The following HSF2BP variants were observed in gnomAD, a reference collection of about 807,000 sequenced individuals.
HSF2BP encodes the protein heat shock transcription factor 2 binding protein.
A neutral mutation model predicts 35.0 loss-of-function variants in HSF2BP; 35 were observed. The ratio of observed to expected loss-of-function variants is 1.00; its 90% CI spans 0.76 to 1.32. HSF2BP has a LOEUF of 1.32. HSF2BP is among the 40% of genes most tolerant of loss of function. HSF2BP has a pLI of 0.00. For missense variants in HSF2BP, 326 were observed against 321.7 expected (o/e 1.01, Z -0.10); for synonymous variants, 114 against 117.4 (o/e 0.97, Z 0.18).
At chr21:43,616,802 G>A (rs891556727) in intron 6 of HSF2BP, among the ~76,000 whole-genome samples, 2 of 152,042 alleles carry the variant, frequency 1.3e-5, no homozygotes, top group African/African-American at 2.4e-5. Context: ...GCGGTGGCAG[G>A]TGCCTGTAGT....
the HSF2BP span, among the ~76,000 whole-genome samples, chr21:43,458,022 C>T: frequency 3.0e-5 from 2 of 66,978 alleles, no homozygotes; most frequent in African/African-American, 5.5e-5. Context: ...CACACTCGCG[C>T]GTCCTCAGCC....
intron 7 of HSF2BP, among the ~76,000 whole-genome samples, chr21:43,601,999 G>A (rs1042256328): frequency 1.3e-5 from 2 of 152,050 alleles, no homozygotes; most frequent in African/African-American, 2.4e-5. Context: ...AAAAGGGATC[G>A]GGCCACCAAA....
chr21:43,645,087 T>C (rs2082690763), intron 3 of HSF2BP, among the ~76,000 whole-genome samples: 1 of 152,162 alleles, frequency 6.6e-6, no homozygotes, highest in South Asian at 2.1e-4. Flanking sequence ...AAAACAAATA[T>C]ATAATACAAA....
At chr21:43,646,629 T>C (rs2082711963) in intron 3 of HSF2BP, among the ~76,000 whole-genome samples, 1 of 152,238 alleles carries the variant, frequency 6.6e-6, no homozygotes, top group Non-Finnish European at 1.5e-5. Context: ...AACGGCTCTC[T>C]TGCATTACGG....
Position 43,633,371 on chromosome 21 carries a change from C to T in HSF2BP, c.342G>A (p.Leu114=), listed in dbSNP as rs1321533137. ...QQLNEAKQQL[L]QQAEYCTEMG... is the part of the protein sequence containing the mutation. ...TTTCTGTACAATACTCTGCCTGCTGCAGGAGTTGCTGCTTCGCTTCATTCA... is the reference window on the plus strand; with the variant it reads ...TTTCTGTACAATACTCTGCCTGCTGTAGGAGTTGCTGCTTCGCTTCATTCA... The change falls in exon 5 of 9, where the codon CTG becomes CTA. Residue 114 remains leucine, a synonymous_variant. Transcript: ENST00000291560. 1.2e-6 allele frequency: 2 copies of T among 1,613,734 alleles called. No homozygotes were observed. Among genetic ancestry groups the T allele is most frequent in the African/African-American group, 2.7e-5 (2 of 74,920 alleles).
chr21:43,637,691 TA>T (rs2147050862), intron 4 of HSF2BP, among the ~76,000 whole-genome samples: 1 of 151,624 alleles, frequency 6.6e-6, no homozygotes, highest in East Asian at 1.9e-4. Context: ...CATATGCCTA[TA>T]GACTCAGGAG....
Position 43,599,867 on chromosome 21 carries a change from C to CAAAA in HSF2BP, c.693-7543_693-7540dup, listed in dbSNP as rs11379827. 2.8e-3 allele frequency among the ~76,000 whole-genome samples: 377 copies of CAAAA among 132,484 alleles called. 3 individuals carry two copies. The highest frequency in any genetic ancestry group is 9.1e-3 in the African/African-American group (329 of 36,018). The allele number at this position is 132,484 out of a possible 152,430, so 86.9% of individuals were successfully genotyped here. A position where few individuals can be genotyped will look rare whatever the true frequency, so the allele number is the denominator to read the frequency against. On this transcript the variant is annotated intron_variant, in intron 7 of 8. Transcript: ENST00000291560. ...AGTGTTAGACTTTTTCTTCCAATGACAAAAAAAAAAAAAAAAAGTAGGCAA... is the reference window on the plus strand; with the variant it reads ...AGTGTTAGACTTTTTCTTCCAATGACAAAAAAAAAAAAAAAAAAAAAGTAGGCAA...
At chr21:43,606,748 C>T (rs564079245) in intron 7 of HSF2BP, among the ~76,000 whole-genome samples, 2 of 152,082 alleles carry the variant, frequency 1.3e-5, no homozygotes, top group African/African-American at 2.4e-5. Flanking sequence ...ACTCAGTGAA[C>T]AAGGGAAATG....
intron 5 of HSF2BP, among the ~76,000 whole-genome samples, chr21:43,632,350 A>C: frequency 1.1e-5 from 1 of 87,914 alleles, no homozygotes; most frequent in Non-Finnish European, 2.1e-5. Context: ...ACATGCTCCC[A>C]TACACACACG....
intron 4 of HSF2BP, among the ~76,000 whole-genome samples, chr21:43,634,413 C>A (rs2082524674): frequency 6.6e-6 from 1 of 152,126 alleles, no homozygotes; most frequent in African/African-American, 2.4e-5. Context: ...AAGACAAAAA[C>A]TGAAAAATAT....
intron 3 of HSF2BP, among the ~76,000 whole-genome samples, chr21:43,650,306 A>T (rs1339615018): frequency 6.6e-6 from 1 of 152,004 alleles, no homozygotes; most frequent in Non-Finnish European, 1.5e-5. Flanking sequence ...TCTGGGGTTC[A>T]CACCATTCTC....
intron 4 of HSF2BP, among the ~76,000 whole-genome samples, chr21:43,640,658 T>C (rs1057161329): frequency 6.6e-6 from 1 of 152,326 alleles, no homozygotes; most frequent in Admixed American, 6.5e-5. Context: ...TCTACTATAG[T>C]TACGCAAGAT....
rs2081997344 is a variant in HSF2BP at position 43,597,088 on chromosome 21, AG to A, written c.693-4761del. On this transcript the variant is annotated intron_variant, in intron 7 of 8. Coordinates refer to ENST00000291560, the MANE Select transcript of HSF2BP (RefSeq NM_007031.2). The surrounding 1 kb of genome is among the most constrained non-coding windows in gnomAD (Gnocchi z 4.3). ...ACCTAGAAAGGAGGGTTTCAGAACA[AG>A]GGAGCACTAAAATGTGCATGAAAAC... 6.6e-6 allele frequency among the ~76,000 whole-genome samples: 1 copy of A among 152,122 alleles called. No individual in the cohort carries two copies. The highest frequency in any genetic ancestry group is 1.5e-5 in the Non-Finnish European group (1 of 68,010).
chr21:43,575,788 A>G (rs1440036292), intron 8 of HSF2BP, among the ~76,000 whole-genome samples: 1 of 152,212 alleles, frequency 6.6e-6, no homozygotes, highest in East Asian at 1.9e-4. Flanking sequence ...AGTGCACACT[A>G]AAAGACAGTG....
At chr21:43,572,271 G>A (rs2081587229) in intron 8 of HSF2BP, among the ~76,000 whole-genome samples, 1 of 152,230 alleles carries the variant, frequency 6.6e-6, no homozygotes, top group Non-Finnish European at 1.5e-5. Context: ...CACAGGCACT[G>A]GATGTGCTAG....
chr21:43,637,311 A>G (rs2082576422), intron 4 of HSF2BP, among the ~76,000 whole-genome samples: 1 of 152,182 alleles, frequency 6.6e-6, no homozygotes, highest in African/African-American at 2.4e-5. Flanking sequence ...ACTACATATT[A>G]TACACATATT....
intron 2 of HSF2BP, 60 bp from the exon 3 acceptor site, chr21:43,656,797 C>G: frequency 6.8e-7 from 1 of 1,470,328 alleles, no homozygotes; most frequent in African/African-American, 1.4e-5. Context: ...AACAACAGCT[C>G]AAGTTAACTT....
chr21:43,592,229 C>T lies in HSF2BP; in HGVS notation c.792G>A (p.Leu264=). 6.2e-7 allele frequency: 1 copy of T among 1,611,322 alleles called. No homozygotes were observed. Among genetic ancestry groups the T allele is most frequent in the Non-Finnish European group, 8.5e-7 (1 of 1,177,532 alleles). The change falls in exon 8 of 9, where the codon TTG becomes TTA. Residue 264 remains leucine, a synonymous_variant. Coordinates refer to ENST00000291560, the MANE Select transcript of HSF2BP (RefSeq NM_007031.2). ...ACAGATAACCACCCCCCTTACCACT[C>T]AAAAGCCACCACAGCAAAGGGATGA... The part of the protein sequence containing the change: ...PGFIPLLWWL[L]SDPDAEVCLH...
At position 43,656,753 on chromosome 21, in the gene HSF2BP, G is replaced by A. The variant is rs1290064716; in HGVS notation, c.37-16C>T. Reference sequence around the variant, plus strand: ...TTCCCATGTGCTAAAAGAACAAGCAGATCTTATTATATTTCTCTTCACATG... The same window carrying A: ...TTCCCATGTGCTAAAAGAACAAGCAAATCTTATTATATTTCTCTTCACATG... On this transcript the variant is annotated splice_polypyrimidine_tract_variant and intron_variant, in intron 2 of 8. Coordinates refer to ENST00000291560, the MANE Select transcript of HSF2BP (RefSeq NM_007031.2). The A allele has an allele frequency of 6.3e-7, 1 of 1,596,196 alleles. No homozygotes were observed. Among genetic ancestry groups the A allele is most frequent in the African/African-American group, 1.4e-5 (1 of 73,742 alleles).
Sources: allele counts gnomAD v4.1 joint callset (sites outside exome capture counted in the v4.1 genomes callset), GRCh38; gene constraint gnomAD v4.1.1; non-coding constraint Gnocchi (gnomAD v3.1); transcripts MANE v1.5; gene names NCBI Gene and HGNC (gene_info 2026-07-23, HGNC 2026-07-21).